TAX1BP3: variants seen among roughly 807,000 people sequenced by gnomAD.
TAX1BP3 encodes the protein tax1-binding protein 3.
Under a neutral mutation model 15.3 loss-of-function variants are expected in TAX1BP3, and 13 were observed. That is an observed-to-expected ratio of 0.85 (90% CI 0.55 to 1.35). The LOEUF (loss-of-function observed/expected upper bound fraction) is 1.35. Ranked by LOEUF, TAX1BP3 falls within the 40% of genes most tolerant of loss-of-function variation. TAX1BP3 has a pLI of 0.00. For missense variants in TAX1BP3, 147 were observed against 169.6 expected (o/e 0.87, Z 0.74); for synonymous variants, 70 against 66.0 (o/e 1.06, Z -0.30).
At chr17:3,664,350 C>T (rs973646961) in intron 2 of TAX1BP3, 78 bp from the exon 3 acceptor site, 1 of 1,528,194 alleles carries the variant, frequency 6.5e-7, no homozygotes, top group Non-Finnish European at 9.0e-7. Context: ...CAGCATGGCA[C>T]ATTCTCAGCC....
Position 3,664,633 on chromosome 17 carries a change from G to T in TAX1BP3, c.159+46C>A, listed in dbSNP as rs200483382. The stretch of plus-strand genomic sequence containing the variant: ...AGGAAGCAGAGACCCACCATCTCAG[G>T]CCCCTGTGCCCCATGGAGCGGTCCC... On this transcript the variant is annotated intron_variant, in intron 2 of 3. Transcript: ENST00000225525. 4.9e-4 allele frequency: 791 copies of T among 1,609,938 alleles called. 8 individuals are homozygous for T. The highest frequency in any genetic ancestry group is 9.2e-5 in the Non-Finnish European group (108 of 1,176,810).
chr17:3,664,417 C>T, intron 2 of TAX1BP3, 145 bp from the exon 3 acceptor site: 1 of 1,075,000 alleles, frequency 9.3e-7, no homozygotes. Context: ...GAGGACTGTT[C>T]TGAGAGAGCC....
chr17:3,668,556 C>T lies in TAX1BP3; in HGVS notation c.-30G>A. 1 of 1,588,158 alleles carries T rather than the reference C, an allele frequency of 6.3e-7. No individual in the cohort carries two copies. The highest frequency in any genetic ancestry group is 8.6e-7 in the Non-Finnish European group (1 of 1,169,244). On this transcript the variant is annotated 5_prime_UTR_variant, in exon 1 of 4. Coordinates refer to ENST00000225525, the MANE Select transcript of TAX1BP3 (RefSeq NM_014604.4). This position sits in a 1 kb window ranked among gnomAD's most constrained non-coding sequence, Gnocchi z 4.1. ...ACCCTGCTCTGGTCGCCCAGCGCCG[C>T]TCCGAGAAGCCGGCAGCAGAGTACC...
At chr17:3,664,828 G>A (rs2076321427) in intron 1 of TAX1BP3, 30 bp from the exon 2 acceptor site, 1 of 1,606,206 alleles carries the variant, frequency 6.2e-7, no homozygotes, top group South Asian at 1.1e-5. Context: ...GTTGAGAGAA[G>A]TGGGTGGTTG....
chr17:3,665,513 C>T, intron 1 of TAX1BP3: 2 of 1,378,952 alleles, frequency 1.5e-6, no homozygotes, highest in African/African-American at 1.4e-5. Context: ...ACATAAAGCA[C>T]TCTAAGAGCC....
rs974395739 is a variant in TAX1BP3, at chr17:3,665,822, A to G, written c.40-1024T>C. ...GACCAGCGCACAGGGTGCCGTGGATACGTGTTCGTGAGACTGGAGTGTCCA... is the reference window on the plus strand; with the variant it reads ...GACCAGCGCACAGGGTGCCGTGGATGCGTGTTCGTGAGACTGGAGTGTCCA... On this transcript the variant is annotated intron_variant, in intron 1 of 3. Coordinates refer to ENST00000225525, the MANE Select transcript of TAX1BP3 (RefSeq NM_014604.4). 29 of 623,930 alleles carry G rather than the reference A, an allele frequency of 4.6e-5. No individual in the cohort carries two copies. In the African/African-American group the frequency reaches 5.2e-4, roughly 11 times the overall value. 38.6% of individuals were successfully genotyped at this position (623,930 alleles called of 1,614,324 possible). A position where few individuals can be genotyped will look rare whatever the true frequency, so the allele number is the denominator to read the frequency against.
chr17:3,667,057 G>C (rs1487923878), intron 1 of TAX1BP3, among the ~76,000 whole-genome samples: 1 of 152,136 alleles, frequency 6.6e-6, no homozygotes, highest in Non-Finnish European at 1.5e-5. Context: ...AAAAAAGCCA[G>C]GCTGGGCCGG....
rs1430272757 is a variant in TAX1BP3, at chr17:3,664,671, C to T, written c.159+8G>A. 6.2e-7 allele frequency: 1 copy of T among 1,613,572 alleles called. No individual in the cohort carries two copies. The highest frequency in any genetic ancestry group is 8.5e-7 in the Non-Finnish European group (1 of 1,179,960). On this transcript the variant is annotated splice_region_variant and intron_variant, in intron 2 of 3. Transcript: ENST00000225525. ...ATGGAGCGGTCCCAGGACCCCAGAC[C>T]CCCTCACCTTGTCCGTCTTGTCTTC... is the stretch of plus-strand genomic sequence containing the variant.
At chr17:3,664,640 T>G in intron 2 of TAX1BP3, 39 bp downstream of exon 2, 1 of 1,610,594 alleles carries the variant, frequency 6.2e-7, no homozygotes, top group Non-Finnish European at 8.5e-7. Flanking sequence ...CAGGCCCCTG[T>G]GCCCCATGGA....
At chr17:3,666,145 GA>G (rs956383029) in intron 1 of TAX1BP3, among the ~76,000 whole-genome samples, 1 of 152,168 alleles carries the variant, frequency 6.6e-6, no homozygotes, top group Non-Finnish European at 1.5e-5. Flanking sequence ...AAGGAGAAAA[GA>G]AAAAAGCAGA....
intron 1 of TAX1BP3, among the ~76,000 whole-genome samples, chr17:3,667,026 C>T (rs943201035): frequency 1.3e-5 from 2 of 152,162 alleles, no homozygotes; most frequent in African/African-American, 2.4e-5. Context: ...GGTGCCTTCT[C>T]TCTGGGGCAG....
intron 1 of TAX1BP3, among the ~76,000 whole-genome samples, chr17:3,666,158 G>A (rs1283788447): frequency 2.6e-5 from 4 of 152,198 alleles, no homozygotes; most frequent in Admixed American, 1.3e-4. Context: ...AAAAGCAGAA[G>A]ACCACAATCT....
rs780281735 is a variant in TAX1BP3, at chr17:3,668,496, C to G, written c.31G>C (p.Ala11Pro). The change falls in exon 1 of 4, where the codon GCC becomes CCC. Residue 11 changes from alanine (A) to proline (P), a missense_variant. Coordinates refer to ENST00000225525, the MANE Select transcript of TAX1BP3 (RefSeq NM_014604.4). This position sits in a 1 kb window ranked among gnomAD's most constrained non-coding sequence, Gnocchi z 4.1. Reference protein sequence around the residue: MSYIPGQPVTAVVQRVEIHKL... With the variant: MSYIPGQPVTPVVQRVEIHKL... ...CGCGCAAGCGCACTCACCACCACGG[C>G]GGTGACCGGCTGGCCCGGGATGTAG... 3 of 1,609,868 alleles carry G rather than the reference C, an allele frequency of 1.9e-6. No homozygotes were observed. Among genetic ancestry groups the G allele is most frequent in the Non-Finnish European group, 2.5e-6 (3 of 1,178,792 alleles).
Position 3,663,437 on chromosome 17 carries a change from T to C in TAX1BP3, c.*311A>G, listed in dbSNP as rs949650291. 2 of 289,556 alleles carry C rather than the reference T, an allele frequency of 6.9e-6. No homozygotes were observed. The highest frequency in any genetic ancestry group is 1.3e-5 in the Non-Finnish European group (2 of 156,568). 17.9% of individuals were successfully genotyped at this position (289,556 alleles called of 1,614,324 possible). ...TTGGGGGCTCCCAAGAGATAGTGGT[T>C]CCCACTTGCCCAGCCACTGCTGTGG... On this transcript the variant is annotated 3_prime_UTR_variant, in exon 4 of 4. Coordinates refer to ENST00000225525, the MANE Select transcript of TAX1BP3 (RefSeq NM_014604.4).
intron 1 of TAX1BP3, chr17:3,665,576 C>T: frequency 7.3e-7 from 1 of 1,375,564 alleles, no homozygotes; most frequent in Non-Finnish European, 1.0e-6. Context: ...AGAAAGAAGC[C>T]AAAGAGAAAG....
At position 3,663,821 on chromosome 17, in the gene TAX1BP3, G is replaced by A. The variant is rs1464095364; in HGVS notation, c.302C>T (p.Ser101Leu). The A allele has an allele frequency of 1.1e-5, 17 of 1,609,324 alleles. No homozygotes were observed. The highest frequency in any genetic ancestry group is 2.2e-5 in the East Asian group (1 of 44,884). The part of the protein sequence containing the change: ...DQARKRLTKR[S>L]EEVVRLLVTR... Reference sequence around the variant, plus strand: ...CACCAGCAGACGCACCACCTCCTCCGAGCGCTTGGTGAGCCGCTTGCGGGC... The same window carrying A: ...CACCAGCAGACGCACCACCTCCTCCAAGCGCTTGGTGAGCCGCTTGCGGGC... The change falls in exon 4 of 4, where the codon TCG becomes TTG. Residue 101 changes from serine to leucine, a missense_variant. Transcript: ENST00000225525.
Position 3,665,412 on chromosome 17 carries a change from T to C in TAX1BP3, c.40-614A>G, listed in dbSNP as rs1022701350. 90 of 1,452,582 alleles carry C rather than the reference T, an allele frequency of 6.2e-5. 1 individual carries two copies. The highest frequency in any genetic ancestry group is 8.3e-5 in the Non-Finnish European group (87 of 1,053,960). 90.0% of individuals were successfully genotyped at this position (1,452,582 alleles called of 1,614,324 possible). ...TTACCATGGCAAAACTGGAAGAGTC[T>C]ACAATGTTCCCCAGCATGCTGTTGG... On this transcript the variant is annotated intron_variant, in intron 1 of 3. Coordinates refer to ENST00000225525, the MANE Select transcript of TAX1BP3 (RefSeq NM_014604.4).
At chr17:3,666,077 C>G (rs2076337910) in intron 1 of TAX1BP3, among the ~76,000 whole-genome samples, 1 of 152,256 alleles carries the variant, frequency 6.6e-6, no homozygotes, top group Non-Finnish European at 1.5e-5. Flanking sequence ...CAAGCGCCGT[C>G]CAGTCAGCAG....
At chr17:3,667,011 A>C (rs542186402) in intron 1 of TAX1BP3, among the ~76,000 whole-genome samples, 1 of 152,192 alleles carries the variant, frequency 6.6e-6, no homozygotes, top group South Asian at 2.1e-4. Flanking sequence ...CTAAAGAGCA[A>C]ACCTGGTGCC....
Sources: gnomAD v4.1 joint callset for allele counts (sites outside exome capture counted in the v4.1 genomes callset) on GRCh38, gnomAD v4.1.1 for gene constraint, Gnocchi (gnomAD v3.1) non-coding constraint, MANE v1.5 for transcripts, NCBI Gene and HGNC (gene_info 2026-07-23, HGNC 2026-07-21) for gene names.